Variants in YLPM1 observed in about 807,000 individuals in gnomAD.
The protein encoded by YLPM1 is YLP motif-containing protein 1.
Under a neutral mutation model 230.0 loss-of-function variants are expected in YLPM1, and 99 were observed. The observed-to-expected ratio is 0.43, with a 90% CI of 0.37 to 0.51. The LOEUF is 0.51. Among genes scored for constraint, YLPM1 ranks in the 20% least tolerant of loss-of-function variants. The probability of loss-of-function intolerance (pLI) is 0.00; values close to 1 mark genes in which losing one functional copy is unlikely to be tolerated. For missense variants in YLPM1, 2,592 were observed against 2,707.7 expected (o/e 0.96, Z 0.95); for synonymous variants, 984 against 942.5 (o/e 1.04, Z -0.81).
intron 11 of YLPM1, 96 bp from the exon 12 acceptor site, chr14:74,816,107 T>C: frequency 8.9e-7 from 1 of 1,128,702 alleles, no homozygotes; most frequent in South Asian, 1.4e-5. Flanking sequence ...TTGTATAGTC[T>C]ATCCTGGAAA....
intron 4 of YLPM1, among the ~76,000 whole-genome samples, chr14:74,786,873 T>C (rs1372856552): frequency 6.6e-6 from 1 of 152,238 alleles, no homozygotes; most frequent in Non-Finnish European, 1.5e-5. Context: ...ATGGGTATTG[T>C]TAAACATTTT....
intron 1 of YLPM1, among the ~76,000 whole-genome samples, chr14:74,769,863 GCC>G (rs1438362016): frequency 4.7e-4 from 17 of 36,322 alleles, no homozygotes; most frequent in African/African-American, 1.8e-3. Flanking sequence ...CCCCCCCCCC[GCC>G]CCCCGCCCAC....
chr14:74,794,599 C>CT (rs57279878), intron 4 of YLPM1, among the ~76,000 whole-genome samples: 102,965 of 149,630 alleles, frequency 0.69, 35,321 homozygotes, highest in East Asian at 0.78. Context: ...CACACAAAGT[C>CT]TTTTTTTTTT....
At position 74,778,436 on chromosome 14, in the gene YLPM1, T is replaced by G. The variant is rs1339211497; in HGVS notation, c.874-11T>G. On this transcript the variant is annotated splice_polypyrimidine_tract_variant and intron_variant, in intron 1 of 20. Coordinates refer to ENST00000325680, the MANE Select transcript of YLPM1 (RefSeq NM_019589.3). ...GTCAATCAAAATTCTCAAAAATTGT[T>G]TCTGTTGTAGGAACAGCAGCAGTAT... The G allele has an allele frequency of 2.5e-6, 4 of 1,577,762 alleles. No homozygotes were observed. The East Asian group carries it at 6.9e-5, about 27-fold the overall frequency.
At position 74,778,578 on chromosome 14, in the gene YLPM1, A is replaced by G; in HGVS notation, c.1005A>G (p.Thr335=). The G allele has an allele frequency of 6.2e-7, 1 of 1,603,920 alleles. No homozygotes were observed. The highest frequency in any genetic ancestry group is 1.7e-5 in the Admixed American group (1 of 58,700). Residue 335 remains threonine, a synonymous_variant, in exon 2 of 21, where the codon ACA becomes ACG. Transcript: ENST00000325680. ...DTPEPVKEEV[T]VPATSQVPES... ...CAGAGCCGGTAAAAGAAGAAGTTAC[A>G]GTACCTGCCACCAGTCAAGTTCCAG...
chr14:74,791,069 G>A (rs991979769), intron 4 of YLPM1, among the ~76,000 whole-genome samples: 3 of 152,016 alleles, frequency 2.0e-5, no homozygotes, highest in Admixed American at 1.3e-4. Flanking sequence ...TGGTGAATCC[G>A]CATCTCTACC....
chr14:74,791,785 C>T (rs1013473734), intron 4 of YLPM1, among the ~76,000 whole-genome samples: 2 of 152,182 alleles, frequency 1.3e-5, no homozygotes, highest in Admixed American at 1.3e-4. Flanking sequence ...CAGCTCATTA[C>T]CTGACAATCA....
chr14:74,796,751 T>C (rs983457354), intron 4 of YLPM1, among the ~76,000 whole-genome samples: 5 of 132,400 alleles, frequency 3.8e-5, no homozygotes, highest in African/African-American at 1.5e-4. Flanking sequence ...CTACTGTTTC[T>C]TTTTTTTTTT....
chr14:74,769,264 T>C (rs1358835771), intron 1 of YLPM1, among the ~76,000 whole-genome samples: 1 of 82,766 alleles, frequency 1.2e-5, no homozygotes, highest in African/African-American at 8.9e-5. Flanking sequence ...TTTATCTTTT[T>C]TTTTTTTTTT....
At chr14:74,823,798 TA>T (rs1325019022) in intron 17 of YLPM1, among the ~76,000 whole-genome samples, 1 of 152,100 alleles carries the variant, frequency 6.6e-6, no homozygotes, top group Non-Finnish European at 1.5e-5. Context: ...TACTGAAATA[TA>T]AAGTAACTAT....
intron 4 of YLPM1, among the ~76,000 whole-genome samples, chr14:74,796,559 A>G (rs932414837): frequency 1.3e-5 from 2 of 152,102 alleles, no homozygotes; most frequent in Admixed American, 1.3e-4. Flanking sequence ...GATTATCTTT[A>G]TATTTTGTTG....
At chr14:74,820,069 T>C (rs189144277) in intron 16 of YLPM1, among the ~76,000 whole-genome samples, 1 of 152,238 alleles carries the variant, frequency 6.6e-6, no homozygotes, top group East Asian at 1.9e-4. Flanking sequence ...TTTTATAATC[T>C]TCTTTTTACT....
At chr14:74,767,393 GT>G (rs889155016) in intron 1 of YLPM1, among the ~76,000 whole-genome samples, 1 of 152,136 alleles carries the variant, frequency 6.6e-6, no homozygotes, top group African/African-American at 2.4e-5. Context: ...CCCAAACAAT[GT>G]TTTTTTGGTG....
chr14:74,769,487 A>G (rs2090952075), intron 1 of YLPM1, among the ~76,000 whole-genome samples: 1 of 151,664 alleles, frequency 6.6e-6, no homozygotes, highest in South Asian at 2.1e-4. Flanking sequence ...AGGTTTCACC[A>G]TGTTGGCTAG....
At chr14:74,797,148 AT>A (rs71303895) in intron 4 of YLPM1, among the ~76,000 whole-genome samples, 15,861 of 100,382 alleles carry the variant, frequency 0.16, 1,106 homozygotes, top group South Asian at 0.31. Flanking sequence ...AAATTTTTGT[AT>A]TTTTTTTTTT....
intron 4 of YLPM1, among the ~76,000 whole-genome samples, chr14:74,794,764 TACACACAC>T (rs58830379): frequency 9.6e-4 from 145 of 150,492 alleles, no homozygotes; most frequent in African/African-American, 3.3e-3. Flanking sequence ...ATTTGGTTAA[TACACACAC>T]ACACACACAC....
rs1215832939 is a variant in YLPM1 at position 74,799,547 on chromosome 14, C to G, written c.4250C>G (p.Ala1417Gly). The change falls in exon 5 of 21, where the codon GCG becomes GGG. Residue 1417 changes from alanine (A) to glycine (G), a missense_variant. By Grantham distance (60) the Ala-to-Gly change is moderately conservative. Transcript: ENST00000325680. Reference sequence around the variant, plus strand: ...GATGTGGATAGACATTCCCCCATGGCGGAACATATGCCCTCCTCACATCAT... The same window carrying G: ...GATGTGGATAGACATTCCCCCATGGGGGAACATATGCCCTCCTCACATCAT... The part of the protein sequence containing the change: ...PSDVDRHSPM[A>G]EHMPSSHHSS... 1.2e-6 allele frequency: 2 copies of G among 1,613,926 alleles called. No homozygotes were observed. Among genetic ancestry groups the G allele is most frequent in the African/African-American group, 1.3e-5 (1 of 75,020 alleles).
intron 5 of YLPM1, among the ~76,000 whole-genome samples, chr14:74,800,478 A>T (rs1363660114): frequency 6.6e-6 from 1 of 152,264 alleles, no homozygotes; most frequent in Non-Finnish European, 1.5e-5. Context: ...ATCTTGGGAT[A>T]GGAATTTAGA....
At chr14:74,778,733 C>T (rs1169665340) in intron 2 of YLPM1, 50 bp downstream of exon 2, 1 of 1,472,850 alleles carries the variant, frequency 6.8e-7, no homozygotes, top group Admixed American at 2.3e-5. Flanking sequence ...TAGCTTTTTT[C>T]TGATTCATTT....
Sources: allele counts gnomAD v4.1 joint callset (sites outside exome capture counted in the v4.1 genomes callset), GRCh38; gene constraint gnomAD v4.1.1; transcripts MANE v1.5; gene names NCBI Gene and HGNC (gene_info 2026-07-23, HGNC 2026-07-21).